Variants in SNRNP70 observed in about 807,000 individuals in gnomAD.
SNRNP70 encodes U1 small nuclear ribonucleoprotein 70 kDa.
A neutral mutation model predicts 50.5 loss-of-function variants in SNRNP70; 8 were observed. The ratio of observed to expected loss-of-function variants is 0.16; its 90% confidence interval spans 0.09 to 0.29. SNRNP70 has a LOEUF of 0.29. Among genes scored for constraint, SNRNP70 ranks in the 10% least tolerant of loss-of-function variants. The pLI is 1.00. For missense variants in SNRNP70, 529 were observed against 663.5 expected (o/e 0.80, Z 2.23); for synonymous variants, 320 against 252.9 (o/e 1.27, Z -2.52).
intron 8 of SNRNP70, among the ~76,000 whole-genome samples, chr19:49,106,239 A>G (rs1401641010): frequency 6.6e-6 from 1 of 152,152 alleles, no homozygotes; most frequent in Non-Finnish European, 1.5e-5. Flanking sequence ...GGGGCGGGAA[A>G]ATGCTAGAAT....
chr19:49,108,149 T>C lies in SNRNP70; in HGVS notation c.1020T>C (p.Pro340=). ...CAGGGGAGCTCGGGCCTGACGGCCC[T>C]GACGGTCCAGAGGAAAAGGGCCGGG... The part of the protein sequence containing the change: ...GPPGELGPDG[P]DGPEEKGRDR... Residue 340 remains proline (P), a synonymous_variant, in exon 10 of 10, where the codon CCT becomes CCC. Coordinates refer to ENST00000598441, the MANE Select transcript of SNRNP70 (RefSeq NM_003089.6). 6.5e-7 allele frequency: 1 copy of C among 1,542,690 alleles called. No homozygotes were observed. Among genetic ancestry groups the C allele is most frequent in the Non-Finnish European group, 8.7e-7 (1 of 1,144,238 alleles).
chr19:49,099,629 C>T (rs539802762), intron 6 of SNRNP70, among the ~76,000 whole-genome samples: 37 of 151,450 alleles, frequency 2.4e-4, no homozygotes, highest in African/African-American at 8.2e-4. Flanking sequence ...ATCCCAGCTA[C>T]TGAGGAGGCT....
rs576135271 is a variant in SNRNP70, at chr19:49,107,361, A to G, written c.578-264A>G. 2.0e-5 allele frequency among the ~76,000 whole-genome samples: 3 copies of G among 152,280 alleles called. No individual in the cohort carries two copies. The highest frequency in any genetic ancestry group is 4.1e-4 in the South Asian group (2 of 4,820). ...TTTTGAGGAGGCTGTGAAGTGCGCT[A>G]TGGTTAAGATGATGCGCTTTGGGGC... On this transcript the variant is annotated intron_variant, in intron 8 of 9. Coordinates refer to ENST00000598441, the MANE Select transcript of SNRNP70 (RefSeq NM_003089.6). The surrounding 1 kb of genome is among the most constrained non-coding windows in gnomAD (Gnocchi z 6.0).
chr19:49,099,584 C>G (rs2040555434), intron 6 of SNRNP70, among the ~76,000 whole-genome samples: 1 of 147,924 alleles, frequency 6.8e-6, no homozygotes. Flanking sequence ...AAAAAAAATA[C>G]AAAAATTAGC....
intron 1 of SNRNP70, among the ~76,000 whole-genome samples, chr19:49,085,948 G>A (rs930731953): frequency 1.3e-5 from 2 of 152,186 alleles, no homozygotes; most frequent in African/African-American, 4.8e-5. Context: ...TTACCCACAA[G>A]CACTTGGTTT....
intron 8 of SNRNP70, among the ~76,000 whole-genome samples, chr19:49,105,060 T>G (rs371212321): frequency 6.6e-6 from 1 of 152,106 alleles, no homozygotes; most frequent in African/African-American, 2.4e-5. Flanking sequence ...CTGAGCTCAG[T>G]GTACTGGGCG....
intron 7 of SNRNP70, chr19:49,102,563 T>C (rs1485321952): frequency 9.9e-6 from 2 of 202,372 alleles, no homozygotes; most frequent in Non-Finnish European, 2.1e-5. Flanking sequence ...GTGCTTTCTA[T>C]GGGGCTGCTA....
In SNRNP70 at chr19:49,086,546, C is replaced by T. The variant is rs949027901; in HGVS notation, c.132C>T (p.Tyr44=). The T allele has an allele frequency of 1.9e-6, 3 of 1,613,834 alleles. No homozygotes were observed. The highest frequency in any genetic ancestry group is 2.2e-5 in the South Asian group (2 of 91,056). The change falls in exon 2 of 10, where the codon TAC becomes TAT. Residue 44 remains tyrosine, a synonymous_variant. Transcript: ENST00000598441. ...HNQPYCGIAP[Y]IREFEDPRDA... is the part of the protein sequence containing the mutation. ...AACCTTATTGTGGCATTGCGCCGTA[C>T]ATTCGAGAGTTTGAGGTGAGTTCAC... is the stretch of plus-strand genomic sequence containing the variant.
At position 49,085,527 on chromosome 19, in the gene SNRNP70, A is replaced by AGTGGAAGC; in HGVS notation, c.-120_-119insGTGGAAGC. 1 of 455,798 alleles carries AGTGGAAGC rather than the reference A, an allele frequency of 2.2e-6. No homozygotes were observed. Among genetic ancestry groups the AGTGGAAGC allele is most frequent in the Non-Finnish European group, 4.4e-6 (1 of 226,678 alleles). The allele number at this position is 455,798 out of a possible 1,614,324, so 28.2% of individuals were successfully genotyped here. On this transcript the variant is annotated 5_prime_UTR_variant, in exon 1 of 10. Transcript: ENST00000598441. ...CTTAGCGGGCGACGGAATCAGACGGACGTGGACGCCCCCGGAGTGGAAGCC... is the reference window on the plus strand; with the variant it reads ...CTTAGCGGGCGACGGAATCAGACGGAGTGGAAGCCGTGGACGCCCCCGGAGTGGAAGCC...
Position 49,085,634 on chromosome 19 carries a change from G to A in SNRNP70, c.-13G>A, listed in dbSNP as rs778745567. On this transcript the variant is annotated splice_region_variant and 5_prime_UTR_variant, in exon 1 of 10. Coordinates refer to ENST00000598441, the MANE Select transcript of SNRNP70 (RefSeq NM_003089.6). ...GACGCCAGAGCGAGGAGGGCGCTAC[G>A]CGGTGAGTGAGTGTGACTGAGTGGC... 6.6e-6 allele frequency: 3 copies of A among 456,046 alleles called. No individual in the cohort carries two copies. The highest frequency in any genetic ancestry group is 4.6e-5 in the South Asian group (3 of 64,560). The allele number at this position is 456,046 out of a possible 1,614,324, so 28.2% of individuals were successfully genotyped here. A position where few individuals can be genotyped will look rare whatever the true frequency, so the allele number is the denominator to read the frequency against.
intron 4 of SNRNP70, 38 bp downstream of exon 4, chr19:49,090,558 C>G: frequency 6.3e-7 from 1 of 1,596,002 alleles, no homozygotes; most frequent in Admixed American, 1.7e-5. Flanking sequence ...TCTCCTCTCC[C>G]AAACCCTCTG....
intron 6 of SNRNP70, 96 bp from the exon 7 acceptor site, chr19:49,101,294 C>T: frequency 1.2e-6 from 1 of 863,232 alleles, no homozygotes. Context: ...TCTGAGGCCT[C>T]ATCCGGCCCA....
At chr19:49,101,534 C>G in intron 7 of SNRNP70, 63 bp downstream of exon 7, 1 of 1,183,026 alleles carries the variant, frequency 8.5e-7, no homozygotes, top group Admixed American at 1.7e-5. Flanking sequence ...GCCCCAGCCC[C>G]TCCCAGTCTG....
At chr19:49,105,199 C>T (rs1293610927) in intron 8 of SNRNP70, among the ~76,000 whole-genome samples, 2 of 152,034 alleles carry the variant, frequency 1.3e-5, no homozygotes, top group Admixed American at 6.6e-5. Context: ...AGCTGTGTGC[C>T]GGGCTTCTAG....
chr19:49,095,146 C>A (rs2040497042), intron 4 of SNRNP70, among the ~76,000 whole-genome samples: 1 of 152,214 alleles, frequency 6.6e-6, no homozygotes, highest in African/African-American at 2.4e-5. Flanking sequence ...TGCTTTTTAC[C>A]TTTAGTCACA....
rs920391601 is a variant in SNRNP70 at position 49,085,494 on chromosome 19, T to A, written c.-153T>A. 1 of 453,420 alleles carries A rather than the reference T, an allele frequency of 2.2e-6. No homozygotes were observed. The highest frequency in any genetic ancestry group is 2.4e-5 in the Admixed American group (1 of 42,424). The allele number at this position is 453,420 out of a possible 1,614,324, so 28.1% of individuals were successfully genotyped here. On this transcript the variant is annotated 5_prime_UTR_variant, in exon 1 of 10. Transcript: ENST00000598441. The stretch of plus-strand genomic sequence containing the variant: ...CGCGGGTGGCTGAGCAGCGGCCTGG[T>A]GCGCTCGCTTAGCGGGCGACGGAAT...
chr19:49,099,567 C>CAA (rs199726665), intron 6 of SNRNP70, among the ~76,000 whole-genome samples: 8 of 85,988 alleles, frequency 9.3e-5, no homozygotes, highest in South Asian at 7.1e-4. Context: ...CTGGTCTGTA[C>CAA]AAAAAAAAAA....
chr19:49,104,815 C>T lies in SNRNP70; in HGVS notation c.577+80C>T, dbSNP rs1052785695. On this transcript the variant is annotated intron_variant, in intron 8 of 9. Coordinates refer to ENST00000598441, the MANE Select transcript of SNRNP70 (RefSeq NM_003089.6). The surrounding 1 kb of genome is among the most constrained non-coding windows in gnomAD (Gnocchi z 5.4). Reference sequence around the variant, plus strand: ...GTTCTCCCTTCTCTGCTGCTTTCTGCTTCTCTGTCTCCTGCCGGCCCACCT... The same window carrying T: ...GTTCTCCCTTCTCTGCTGCTTTCTGTTTCTCTGTCTCCTGCCGGCCCACCT... 8 of 849,946 alleles carry T rather than the reference C, an allele frequency of 9.4e-6. 1 individual carries two copies. Among genetic ancestry groups the T allele is most frequent in the African/African-American group, 6.9e-5 (4 of 57,864 alleles). The allele number at this position is 849,946 out of a possible 1,614,324, so 52.7% of individuals were successfully genotyped here. A position where few individuals can be genotyped will look rare whatever the true frequency, so the allele number is the denominator to read the frequency against.
intron 6 of SNRNP70, among the ~76,000 whole-genome samples, chr19:49,100,425 A>C (rs1485855408): frequency 6.6e-6 from 1 of 152,034 alleles, no homozygotes; most frequent in Non-Finnish European, 1.5e-5. Flanking sequence ...TCTTGCTGCC[A>C]TCCTCGGGAT....
Sources: gnomAD v4.1 joint callset for allele counts (sites outside exome capture counted in the v4.1 genomes callset) on GRCh38, gnomAD v4.1.1 for gene constraint, Gnocchi (gnomAD v3.1) non-coding constraint, MANE v1.5 for transcripts, NCBI Gene and HGNC (gene_info 2026-07-23, HGNC 2026-07-21) for gene names.